MACF1: variants seen among roughly 807,000 people sequenced by gnomAD.
MACF1 encodes the protein microtubule actin crosslinking factor 1.
A neutral mutation model predicts 854.8 loss-of-function variants in MACF1; 193 were observed. The ratio of observed to expected loss-of-function variants is 0.23; its 90% CI spans 0.20 to 0.25. MACF1 has a LOEUF of 0.25. MACF1 is among the 10% of genes least tolerant of loss of function. The pLI is 1.00. For missense variants in MACF1, 7,722 were observed against 8,929.1 expected (o/e 0.86, Z 5.45); for synonymous variants, 3,185 against 3,226.7 (o/e 0.99, Z 0.44).
rs569109064 is a variant in MACF1, at chr1:39,381,309, G to A, written c.13649-644G>A. Among the ~76,000 whole-genome samples, 342 of 148,864 alleles carry A rather than the reference G, an allele frequency of 2.3e-3. 1 individual carries two copies. Among genetic ancestry groups the A allele is most frequent in the African/African-American group, 7.9e-3 (322 of 40,546 alleles). ...CGACCTCAAGTGATCCACCCACCTC[G>A]GCCTCCCAAAGTGCTGGGATTACAG... On this transcript the variant is annotated intron_variant, in intron 55 of 100. Coordinates refer to ENST00000564288, the MANE Select transcript of MACF1 (RefSeq NM_001394062.1).
Position 39,333,532 on chromosome 1 carries a change from G to T in MACF1, c.6944G>T (p.Gly2315Val), listed in dbSNP as rs189442817. 6.2e-7 allele frequency: 1 copy of T among 1,614,074 alleles called. No homozygotes were observed. The highest frequency in any genetic ancestry group is 2.2e-5 in the East Asian group (1 of 44,904). The change falls in exon 37 of 101, where the codon GGC (glycine) becomes GTC (valine). Residue 2315 changes from glycine to valine, a missense_variant. Gly to Val is a moderately radical substitution (Grantham distance 109). This residue lies in a region of MACF1 where 1,531 missense variants were observed against 1,601.6 expected (regional missense o/e 0.96). Coordinates refer to ENST00000564288, the MANE Select transcript of MACF1 (RefSeq NM_001394062.1). The stretch of plus-strand genomic sequence containing the variant: ...TTACTAAATGAAGCAATATCCCGAG[G>T]CATTGTGCCAAGTCACACTGCCGTG... ...KLLLNEAISR[G>V]IVPSHTAVKL...
Position 39,284,071 on chromosome 1 carries a change from G to A in MACF1, c.921G>A (p.Val307=). 1 of 1,613,950 alleles carries A rather than the reference G, an allele frequency of 6.2e-7. No homozygotes were observed. The highest frequency in any genetic ancestry group is 8.5e-7 in the Non-Finnish European group (1 of 1,179,930). The change falls in exon 10 of 101, where the codon GTG becomes GTA. Residue 307 remains valine (V), a synonymous_variant. Coordinates refer to ENST00000564288, the MANE Select transcript of MACF1 (RefSeq NM_001394062.1). The stretch of plus-strand genomic sequence containing the variant: ...TGTTTACCTTCTGGCAATAGGAAGT[G>A]GACTCCAGGTGGCAAGAATACCAAA... ...EGGEGISATE[V]DSRWQEYQSR...
intron 2 of MACF1, among the ~76,000 whole-genome samples, chr1:39,196,025 G>A (rs1232336150): frequency 6.6e-6 from 1 of 152,130 alleles, no homozygotes; most frequent in Admixed American, 6.5e-5. Context: ...ATTATAATCA[G>A]CAATTATTGA....
At chr1:39,481,467 G>A (rs1224819259) in intron 99 of MACF1, among the ~76,000 whole-genome samples, 2 of 152,168 alleles carry the variant, frequency 1.3e-5, no homozygotes, top group East Asian at 1.9e-4. Flanking sequence ...CCTGCCCTGA[G>A]ACACATGTCC....
chr1:39,387,513 A>G lies in MACF1; in HGVS notation c.14671A>G (p.Thr4891Ala). 1 of 1,614,208 alleles carries G rather than the reference A, an allele frequency of 6.2e-7. No individual in the cohort carries two copies. Among genetic ancestry groups the G allele is most frequent in the East Asian group, 2.2e-5 (1 of 44,894 alleles). ...CCATTGGGAAGAGCTTAGTAAAAAA[A>G]CTGCAGACAGACAATCCAGGCTCAA... ...KNHWEELSKKTADRQSRLKDC... is the reference protein window; with the variant it reads ...KNHWEELSKKAADRQSRLKDC... The change falls in exon 58 of 101, where the codon ACT becomes GCT. Residue 4891 changes from threonine (T) to alanine (A), a missense_variant. Transcript: ENST00000564288.
chr1:39,293,492 G>T lies in MACF1; in HGVS notation c.2027G>T (p.Ser676Ile). ...AGCTTCCGGATGAGGCACCTTCAGA[G>T]CCTGCATAAATTTGTTTCCAGAGCT... is the stretch of plus-strand genomic sequence containing the variant. ...TSSFRMRHLQ[S>I]LHKFVSRATA... is the part of the protein sequence containing the mutation. Residue 676 changes from serine (S) to isoleucine (I), a missense_variant, in exon 18 of 101, where the codon AGC becomes ATC. Ser to Ile is a moderately radical substitution (Grantham distance 142, BLOSUM62 -2). This residue lies in a region of MACF1 where 1,137 missense variants were observed against 1,263.0 expected (regional missense o/e 0.90). Transcript: ENST00000564288. The T allele has an allele frequency of 6.2e-7, 1 of 1,613,892 alleles. No homozygotes were observed. The highest frequency in any genetic ancestry group is 8.5e-7 in the Non-Finnish European group (1 of 1,179,812).
At chr1:39,317,140 T>G (rs1646427524) in intron 28 of MACF1, 74 bp from the exon 29 acceptor site, 2 of 1,447,476 alleles carry the variant, frequency 1.4e-6, no homozygotes, top group Non-Finnish European at 9.4e-7. Context: ...ACCGTGTCCT[T>G]GTTTCCCACC....
chr1:39,285,172 G>T lies in MACF1; in HGVS notation c.1221G>T (p.Met407Ile), dbSNP rs1487030708. 3.1e-6 allele frequency: 5 copies of T among 1,614,214 alleles called. No individual in the cohort carries two copies. Among genetic ancestry groups the T allele is most frequent in the South Asian group, 1.1e-5 (1 of 91,084 alleles). Residue 407 changes from methionine to isoleucine, a missense_variant, in exon 12 of 101, where the codon ATG becomes ATT. Around this residue, in one of 15 missense-constraint regions of MACF1, gnomAD observed 1,137 missense variants for 1,263.0 expected, o/e 0.90. Coordinates refer to ENST00000564288, the MANE Select transcript of MACF1 (RefSeq NM_001394062.1). ...EEEWGKLIIE[M>I]LEREKSLRPA... ...AGTGGGGAAAGCTCATCATAGAGAT[G>T]CTGGAACGAGAGAAATCACTTCGGC...
rs373075916 is a variant in MACF1 at position 39,185,965 on chromosome 1, G to C, written c.221-45217G>C. Among the ~76,000 whole-genome samples, 4 of 152,202 alleles carry C rather than the reference G, an allele frequency of 2.6e-5. No individual in the cohort carries two copies. The East Asian group carries it at 5.8e-4, about 22-fold the overall frequency. On this transcript the variant is annotated intron_variant, in intron 2 of 93. Transcript: ENST00000361689. ...AATCTGTGGTGATGCTGTTTCAGAA[G>C]TCACCACCTGACTCGTTGTCAGATG...
rs746427218 is a variant in MACF1, at chr1:39,346,929, A to T, written c.10582-48A>T. On this transcript the variant is annotated intron_variant, in intron 40 of 100. Coordinates refer to ENST00000564288, the MANE Select transcript of MACF1 (RefSeq NM_001394062.1). ...GTTTTCTTCATGAACTGAGAAATGG[A>T]AGTATCATGGTTTTTTGTGTTTTGT... The T allele has an allele frequency of 3.4e-6, 4 of 1,190,114 alleles. No individual in the cohort carries two copies. In the African/African-American group the frequency reaches 6.1e-5, roughly 18 times the overall value. The allele number at this position is 1,190,114 out of a possible 1,614,324, so 73.7% of individuals were successfully genotyped here.
rs114472327 is a variant in MACF1 at position 39,397,544 on chromosome 1, G to A, written c.15816+8886G>A. On this transcript the variant is annotated intron_variant, in intron 58 of 100. Coordinates refer to ENST00000564288, the MANE Select transcript of MACF1 (RefSeq NM_001394062.1). ...GCCATTGCGCTCCAGCCTGGGCAAC[G>A]AGCGAAACTTCGTTCCAAAAAAAAA... Among the ~76,000 whole-genome samples, 774 of 150,924 alleles carry A rather than the reference G, an allele frequency of 5.1e-3. 9 individuals carry two copies. The highest frequency in any genetic ancestry group is 0.018 in the African/African-American group (726 of 41,064).
chr1:39,457,387 A>G (rs565359304), intron 89 of MACF1: 3 of 152,052 alleles, frequency 2.0e-5, no homozygotes, highest in Non-Finnish European at 2.9e-5. Flanking sequence ...GGCCCTCACC[A>G]TGTTTTGCCT....
intron 6 of MACF1, among the ~76,000 whole-genome samples, chr1:39,267,142 A>G (rs1645243045): frequency 6.6e-6 from 1 of 152,248 alleles, no homozygotes; most frequent in Non-Finnish European, 1.5e-5. Flanking sequence ...TGAAATTAAA[A>G]GTCTTAAAGT....
chr1:39,299,164 A>T, intron 21 of MACF1: 1 of 453,278 alleles, frequency 2.2e-6, no homozygotes, highest in South Asian at 1.6e-5. Context: ...AAGTATGGAA[A>T]TGTGGCTGTC....
chr1:39,258,525 G>C (rs1043695544), intron 6 of MACF1, among the ~76,000 whole-genome samples: 1 of 152,192 alleles, frequency 6.6e-6, no homozygotes, highest in African/African-American at 2.4e-5. Context: ...CCTTGCAGCG[G>C]CCATCACACC....
chr1:39,444,564 G>T (rs984154703), intron 79 of MACF1, 98 bp from the exon 80 acceptor site: 5 of 1,026,528 alleles, frequency 4.9e-6, no homozygotes, highest in Non-Finnish European at 6.9e-6. Context: ...ATCAAGATGA[G>T]CCCTTCCTGG....
chr1:39,473,066 G>C (rs1027704965), intron 97 of MACF1, among the ~76,000 whole-genome samples: 1 of 152,170 alleles, frequency 6.6e-6, no homozygotes, highest in African/African-American at 2.4e-5. Context: ...GTGACCATTG[G>C]CTGGAGATTT....
chr1:39,119,872 CTTTTTTTTTTTTTTT>C (rs571383832), intron 2 of MACF1, among the ~76,000 whole-genome samples: 2 of 65,570 alleles, frequency 3.1e-5, no homozygotes, highest in Middle Eastern at 8.2e-3. Context: ...AATAAAGCCT[CTTTTTTTTTTTTTTT>C]TTTTTTTTTT....
At chr1:39,296,827 G>GAAAAGAAAGAAAGA (rs1557571591) in intron 20 of MACF1, among the ~76,000 whole-genome samples, 6 of 140,992 alleles carry the variant, frequency 4.3e-5, no homozygotes, top group African/African-American at 1.5e-4. Context: ...AGGAAGGAAG[G>GAAAAGAAAGAAAGA]AAGGAAGGAA....
Sources: gnomAD v4.1 joint callset for allele counts (sites outside exome capture counted in the v4.1 genomes callset) on GRCh38, gnomAD v4.1.1 for gene constraint, gnomAD v4.1.1 regional missense constraint, MANE v1.5 for transcripts, NCBI Gene and HGNC (gene_info 2026-07-23, HGNC 2026-07-21) for gene names.